STRBP: variants seen among roughly 807,000 people sequenced by gnomAD.
STRBP encodes the protein spermatid perinuclear RNA binding protein.
In STRBP, 13 loss-of-function variants were observed where a neutral mutation model predicts 80.1. That is an observed-to-expected ratio of 0.16 (90% CI 0.11 to 0.26). The LOEUF (loss-of-function observed/expected upper bound fraction) is 0.26, where lower values mean the gene tolerates loss of function less well. STRBP is among the 10% of genes least tolerant of loss of function. The pLI is 1.00. For missense variants in STRBP, 485 were observed against 815.2 expected, an observed-to-expected ratio of 0.59 and a Z score of 4.93; for synonymous variants, 284 against 291.2, an observed-to-expected ratio of 0.98 and a Z score of 0.25.
chr9:123,260,195 G>A (rs763337606), intron 1 of STRBP, among the ~76,000 whole-genome samples: 1 of 152,102 alleles, frequency 6.6e-6, no homozygotes, highest in Non-Finnish European at 1.5e-5. Context: ...GATGTTGCAG[G>A]AGAGAGAGAG....
intron 1 of STRBP, among the ~76,000 whole-genome samples, chr9:123,250,146 T>C (rs1468543079): frequency 6.6e-6 from 1 of 152,224 alleles, no homozygotes; most frequent in African/African-American, 2.4e-5. Flanking sequence ...ATATCCAAAA[T>C]TATCTGAAAA....
intron 6 of STRBP, among the ~76,000 whole-genome samples, chr9:123,167,451 G>A (rs1305231390): frequency 2.6e-5 from 4 of 152,038 alleles, no homozygotes; most frequent in South Asian, 2.1e-4. Context: ...AAACAGAATC[G>A]TACAGCCCAG....
At position 123,171,433 on chromosome 9, in the gene STRBP, G is replaced by C. The variant is rs142241940; in HGVS notation, c.391-1387C>G. Among the ~76,000 whole-genome samples the C allele has an allele frequency of 3.7e-4, 56 of 152,224 alleles. No individual in the cohort carries two copies. The East Asian group carries it at 7.9e-3, about 22-fold the overall frequency. On this transcript the variant is annotated intron_variant, in intron 5 of 18. Transcript: ENST00000348403. ...TTTTGGTCCATAAGGAAATAATATC[G>C]TATCAGAGACTGGTTTTCCACACAA...
chr9:123,164,139 G>A (rs554805075), intron 6 of STRBP, among the ~76,000 whole-genome samples: 4 of 152,192 alleles, frequency 2.6e-5, no homozygotes, highest in Admixed American at 6.5e-5. Flanking sequence ...TCCGCCTCCC[G>A]GGCTCAAGCA....
rs183167604 is a variant in STRBP, at chr9:123,123,313, G to A, written c.*2284C>T. The A allele has an allele frequency of 3.7e-5, 36 of 985,336 alleles. No individual in the cohort carries two copies. The Admixed American group carries it at 9.2e-4, about 25-fold the overall frequency. The allele number at this position is 985,336 out of a possible 1,614,324, so 61.0% of individuals were successfully genotyped here. On this transcript the variant is annotated 3_prime_UTR_variant, in exon 19 of 19. Coordinates refer to ENST00000348403, the MANE Select transcript of STRBP (RefSeq NM_018387.5). ...TTTATATTTCTCTGCTCTTTCAGCT[G>A]TAAGTGGAATTTTCATTACAAAATG...
rs572351542 is a variant in STRBP, at chr9:123,203,422, C to T, written c.-164-19124G>A. Among the ~76,000 whole-genome samples, 264 of 152,110 alleles carry T rather than the reference C, an allele frequency of 1.7e-3. 6 individuals are homozygous for T. The South Asian group carries it at 0.053, about 31-fold the overall frequency. On this transcript the variant is annotated intron_variant, in intron 2 of 18. Transcript: ENST00000348403. ...TCAAAACCTTCTAATAGTTTCCTGTCTCTGAGTAAATACTTCACAATAATT... is the reference window on the plus strand; with the variant it reads ...TCAAAACCTTCTAATAGTTTCCTGTTTCTGAGTAAATACTTCACAATAATT...
At chr9:123,262,931 C>T (rs1488599573) in intron 1 of STRBP, among the ~76,000 whole-genome samples, 1 of 152,172 alleles carries the variant, frequency 6.6e-6, no homozygotes, top group Non-Finnish European at 1.5e-5. Flanking sequence ...ATCTACATCA[C>T]CATTAATCTG....
At position 123,136,536 on chromosome 9, in the gene STRBP, G is replaced by A; in HGVS notation, c.1498-21C>T. The A allele has an allele frequency of 4.4e-6, 7 of 1,608,952 alleles. No individual in the cohort carries two copies. The highest frequency in any genetic ancestry group is 2.2e-5 in the East Asian group (1 of 44,862). ...CTTACCTATAAGAGAAAGGGAATCT[G>A]AAGGTTCAATCAAGTAAGATTTTAG... On this transcript the variant is annotated intron_variant, in intron 14 of 18. Transcript: ENST00000348403. The surrounding 1 kb of genome is among the most constrained non-coding windows in gnomAD (Gnocchi z 4.2).
At chr9:123,177,233 A>G (rs2038259342) in intron 4 of STRBP, among the ~76,000 whole-genome samples, 1 of 152,226 alleles carries the variant, frequency 6.6e-6, no homozygotes, top group Admixed American at 6.5e-5. Context: ...ACAAAACGGA[A>G]AGACTGTACA....
intron 11 of STRBP, among the ~76,000 whole-genome samples, chr9:123,157,466 T>C (rs1348167406): frequency 1.3e-5 from 2 of 152,194 alleles, no homozygotes; most frequent in Non-Finnish European, 2.9e-5. Context: ...CGTTACCTAA[T>C]AAGAACAGAA....
At chr9:123,190,194 C>G (rs1407660162) in intron 2 of STRBP, among the ~76,000 whole-genome samples, 1 of 151,662 alleles carries the variant, frequency 6.6e-6, no homozygotes, top group Non-Finnish European at 1.5e-5. Flanking sequence ...GCAGAAGAAT[C>G]ACTTGAACCC....
chr9:123,194,925 A>C (rs554497811), intron 2 of STRBP, among the ~76,000 whole-genome samples: 18 of 152,120 alleles, frequency 1.2e-4, no homozygotes, highest in Non-Finnish European at 2.2e-4. Flanking sequence ...CTCAGCCCTC[A>C]GACTTCATCT....
At chr9:123,208,200 A>G (rs2132526337) in intron 2 of STRBP, among the ~76,000 whole-genome samples, 1 of 152,150 alleles carries the variant, frequency 6.6e-6, no homozygotes, top group East Asian at 1.9e-4. Flanking sequence ...AAAGTATTCG[A>G]GGGTGCTGGC....
intron 1 of STRBP, among the ~76,000 whole-genome samples, chr9:123,256,329 A>G (rs1588160893): frequency 6.6e-6 from 1 of 151,792 alleles, no homozygotes; most frequent in Middle Eastern, 3.2e-3. Context: ...ACCTATTTCC[A>G]CTACCTTTAT....
intron 14 of STRBP, among the ~76,000 whole-genome samples, chr9:123,138,218 T>C (rs2036441865): frequency 6.6e-6 from 1 of 152,230 alleles, no homozygotes; most frequent in East Asian, 1.9e-4. Context: ...CCCTTTCTAA[T>C]TACCTTTGTA....
downstream of STRBP, among the ~76,000 whole-genome samples, chr9:123,117,468 A>G (rs187765277): frequency 6.6e-6 from 1 of 152,280 alleles, no homozygotes; most frequent in African/African-American, 2.4e-5. Flanking sequence ...CACAGGCAGC[A>G]ATTTAGAGAC....
chr9:123,237,622 C>T (rs1047295472), intron 1 of STRBP, among the ~76,000 whole-genome samples: 1 of 151,704 alleles, frequency 6.6e-6, no homozygotes, highest in Non-Finnish European at 1.5e-5. Flanking sequence ...TCACCTACGT[C>T]CCCAAATGCC....
intron 1 of STRBP, among the ~76,000 whole-genome samples, chr9:123,254,898 T>C (rs1311579089): frequency 6.6e-6 from 1 of 152,206 alleles, no homozygotes; most frequent in African/African-American, 2.4e-5. Flanking sequence ...AGACGACTAA[T>C]GTGATAAGCT....
chr9:123,146,505 T>C (rs1180824741), intron 13 of STRBP, among the ~76,000 whole-genome samples: 1 of 150,358 alleles, frequency 6.7e-6, no homozygotes, highest in Non-Finnish European at 1.5e-5. Context: ...AATCAGAAGA[T>C]AAAATTACAT....
Sources: allele counts gnomAD v4.1 joint callset (sites outside exome capture counted in the v4.1 genomes callset), GRCh38; gene constraint gnomAD v4.1.1; non-coding constraint Gnocchi (gnomAD v3.1); transcripts MANE v1.5; gene names NCBI Gene and HGNC (gene_info 2026-07-23, HGNC 2026-07-21).